UBA52: variants seen among roughly 807,000 people sequenced by gnomAD.
UBA52 encodes the protein ubiquitin A-52 residue ribosomal protein fusion product 1.
UBA52 carries 1 observed loss-of-function variant against 15.3 expected under a neutral mutation model. The observed-to-expected ratio is 0.07, with a 90% confidence interval of 0.02 to 0.31. The LOEUF (loss-of-function observed/expected upper bound fraction) is 0.31, where lower values mean the gene tolerates loss of function less well. UBA52 is among the 10% of genes least tolerant of loss of function. UBA52 has a pLI of 1.00. For missense variants in UBA52, 87 were observed against 168.0 expected (o/e 0.52, Z 2.66); for synonymous variants, 50 against 58.3 (o/e 0.86, Z 0.65).
At chr19:18,569,205 G>A (rs1975401511), upstream of UBA52, 1 of 155,120 alleles carries the variant, frequency 6.4e-6, no homozygotes, top group Non-Finnish European at 1.4e-5. Flanking sequence ...TGAGTTCTGT[G>A]TTTCTCTGAA....
At chr19:18,573,602 A>G in intron 2 of UBA52, 60 bp from the exon 3 acceptor site, 3 of 1,569,982 alleles carry the variant, frequency 1.9e-6, no homozygotes, top group Non-Finnish European at 2.6e-6. Flanking sequence ...GCTCCCCTGC[A>G]GAGGACACTG....
chr19:18,568,165 G>T (rs1168898773), upstream of UBA52, among the ~76,000 whole-genome samples: 27 of 151,404 alleles, frequency 1.8e-4, no homozygotes, highest in Admixed American at 1.5e-3. Flanking sequence ...TACTCAGGAG[G>T]TTAAGGCAGA....
chr19:18,565,661 A>G, the UBA52 span, among the ~76,000 whole-genome samples: 2 of 152,002 alleles, frequency 1.3e-5, no homozygotes, highest in African/African-American at 4.8e-5. Context: ...CTACAGACAT[A>G]CTGTACCACA....
chr19:18,571,046 C>A (rs1335676190), upstream of UBA52, among the ~76,000 whole-genome samples: 1 of 151,400 alleles, frequency 6.6e-6, no homozygotes, highest in African/African-American at 2.4e-5. Flanking sequence ...TGCAGTGGCT[C>A]ACGTCTGTAA....
upstream of UBA52, among the ~76,000 whole-genome samples, chr19:18,567,470 G>A (rs1468712031): frequency 6.6e-6 from 1 of 152,228 alleles, no homozygotes; most frequent in Non-Finnish European, 1.5e-5. Flanking sequence ...TCTCAGAACA[G>A]AGCACGGGCT....
In UBA52 at chr19:18,576,647, T is replaced by C. The variant is rs1306634577; in HGVS notation, c.*1497T>C. The C allele has an allele frequency of 6.6e-6, 1 of 151,066 alleles. No individual in the cohort carries two copies. The highest frequency in any genetic ancestry group is 1.5e-5 in the Non-Finnish European group (1 of 68,036). 9.4% of individuals were successfully genotyped at this position (151,066 alleles called of 1,614,324 possible). Reference sequence around the variant, plus strand: ...GAACTTAAAAGCCTCCTGTTTAGTTTTGGTTTTTTATCACTTTTTTTTTTT... The same window carrying C: ...GAACTTAAAAGCCTCCTGTTTAGTTCTGGTTTTTTATCACTTTTTTTTTTT... On this transcript the variant is annotated 3_prime_UTR_variant, in exon 5 of 5. Coordinates refer to ENST00000442744, the MANE Select transcript of UBA52 (RefSeq NM_001033930.3).
chr19:18,567,943 G>A (rs1429773723), upstream of UBA52, among the ~76,000 whole-genome samples: 1 of 152,106 alleles, frequency 6.6e-6, no homozygotes, highest in Non-Finnish European at 1.5e-5. Context: ...TTCCCTGCCT[G>A]GGCCTCAGTT....
chr19:18,570,507 C>CCTTTTTTTTTTTTT (rs1555752290), upstream of UBA52, among the ~76,000 whole-genome samples: 10 of 44,786 alleles, frequency 2.2e-4, 5 homozygotes, highest in Non-Finnish European at 4.1e-4. Flanking sequence ...CGCCGTGGCA[C>CCTTTTTTTTTTTTT]TTTTTTTTTT....
upstream of UBA52, chr19:18,567,331 C>T: frequency 2.7e-6 from 2 of 746,084 alleles, no homozygotes; most frequent in Non-Finnish European, 4.6e-6. Flanking sequence ...GGTCAGGGTG[C>T]TGGCCTGGTC....
upstream of UBA52, chr19:18,568,542 G>C (rs377523014): frequency 6.2e-7 from 1 of 1,613,900 alleles, no homozygotes; most frequent in South Asian, 1.1e-5. Context: ...CCTGAGCCCC[G>C]GCTTCGAGGA....
upstream of UBA52, chr19:18,568,511 C>T (rs1975372601): frequency 6.2e-7 from 1 of 1,614,084 alleles, no homozygotes; most frequent in Non-Finnish European, 8.5e-7. Flanking sequence ...GTGACACCAG[C>T]CCCGACACCG....
chr19:18,574,748 C>A, intron 3 of UBA52, 122 bp from the exon 4 acceptor site: 1 of 1,266,114 alleles, frequency 7.9e-7, no homozygotes. Flanking sequence ...TCGGGGGATC[C>A]CGACTTGGTG....
In UBA52 at chr19:18,576,860, GT is replaced by G. The variant is rs1161814580; in HGVS notation, c.*1714del. 2.6e-5 allele frequency: 4 copies of G among 151,648 alleles called. No homozygotes were observed. The highest frequency in any genetic ancestry group is 2.6e-4 in the Admixed American group (4 of 15,206). 9.4% of individuals were successfully genotyped at this position (151,648 alleles called of 1,614,324 possible). A position where few individuals can be genotyped will look rare whatever the true frequency, so the allele number is the denominator to read the frequency against. ...TTTTTCTGTTTTTAGTAGAGACAGG[GT>G]TTTGCTATGTTGGCCAGGCTGGTCT... On this transcript the variant is annotated 3_prime_UTR_variant, in exon 5 of 5. Coordinates refer to ENST00000442744, the MANE Select transcript of UBA52 (RefSeq NM_001033930.3).
the UBA52 span, chr19:18,564,888 A>T: frequency 5.6e-6 from 9 of 1,613,746 alleles, no homozygotes; most frequent in Non-Finnish European, 7.6e-6. Context: ...CTTTGAGAAG[A>T]CCAATGAGAT....
upstream of UBA52, among the ~76,000 whole-genome samples, chr19:18,567,501 A>G (rs1021043214): frequency 1.3e-5 from 2 of 152,200 alleles, no homozygotes; most frequent in Non-Finnish European, 2.9e-5. Context: ...CAGCCCCGAC[A>G]TCGTCTCGCC....
chr19:18,565,141 T>G, the UBA52 span: 3 of 1,503,408 alleles, frequency 2.0e-6, no homozygotes, highest in Non-Finnish European at 1.8e-6. Flanking sequence ...AAGGCTTCAC[T>G]GCGCACTTAA....
Position 18,575,297 on chromosome 19 carries a change from CT to C in UBA52, c.*149del. 1 of 863,640 alleles carries C rather than the reference CT, an allele frequency of 1.2e-6. No individual in the cohort carries two copies. The highest frequency in any genetic ancestry group is 1.8e-6 in the Non-Finnish European group (1 of 554,256). 53.5% of individuals were successfully genotyped at this position (863,640 alleles called of 1,614,324 possible). ...AGGTGGCTGAAGAGTGGGCATCTCC[CT>C]TAGGGACTCTACTCAGCACTCCATT... On this transcript the variant is annotated 3_prime_UTR_variant, in exon 5 of 5. Transcript: ENST00000442744.
rs747609593 is a variant in UBA52, at chr19:18,571,906, G to C, written c.-12G>C. The C allele has an allele frequency of 1.3e-5, 2 of 152,916 alleles. No individual in the cohort carries two copies. The highest frequency in any genetic ancestry group is 2.9e-5 in the Non-Finnish European group (2 of 68,562). The allele number at this position is 152,916 out of a possible 1,614,324, so 9.5% of individuals were successfully genotyped here. A position where few individuals can be genotyped will look rare whatever the true frequency, so the allele number is the denominator to read the frequency against. ...CGAGCTGGTTGGTGGCGGCGGTCGT[G>C]CGGGTTCGCGCCGGGCCGAGAGCGG... On this transcript the variant is annotated 5_prime_UTR_variant, in exon 1 of 5. Transcript: ENST00000442744.
chr19:18,573,966 C>G lies in UBA52; in HGVS notation c.190+218C>G, dbSNP rs146005838. Among the ~76,000 whole-genome samples the G allele has an allele frequency of 8.1e-3, 1,192 of 147,288 alleles. 6 individuals are homozygous for G. The highest frequency in any genetic ancestry group is 0.013 in the Non-Finnish European group (871 of 66,026). ...AGGAGTTCAAGACCAGCCTGGACAACGTGGTGAAATCCCGTTTCTATTAAA... is the reference window on the plus strand; with the variant it reads ...AGGAGTTCAAGACCAGCCTGGACAAGGTGGTGAAATCCCGTTTCTATTAAA... On this transcript the variant is annotated intron_variant, in intron 3 of 4. Coordinates refer to ENST00000442744, the MANE Select transcript of UBA52 (RefSeq NM_001033930.3).
Sources: gnomAD v4.1 joint callset for allele counts (sites outside exome capture counted in the v4.1 genomes callset) on GRCh38, gnomAD v4.1.1 for gene constraint, MANE v1.5 for transcripts, NCBI Gene and HGNC (gene_info 2026-07-23, HGNC 2026-07-21) for gene names.